RASGRF2: variants seen among roughly 807,000 people sequenced by gnomAD.
RASGRF2 encodes Ras protein specific guanine nucleotide releasing factor 2.
Under a neutral mutation model 151.0 loss-of-function variants are expected in RASGRF2, and 76 were observed. That is an observed-to-expected ratio of 0.50 (90% CI 0.42 to 0.61). RASGRF2 has a LOEUF of 0.61. Ranked by LOEUF, RASGRF2 falls within the 20% of genes least tolerant of loss-of-function variation. The pLI, the probability that RASGRF2 is intolerant of heterozygous loss-of-function variation, is 0.00. For missense variants in RASGRF2, 1,148 were observed against 1,564.6 expected, an observed-to-expected ratio of 0.73 and a Z score of 4.49; for synonymous variants, 504 against 566.5, an observed-to-expected ratio of 0.89 and a Z score of 1.57.
chr5:81,121,258 T>C (rs1580336005), intron 15 of RASGRF2, among the ~76,000 whole-genome samples: 1 of 152,204 alleles, frequency 6.6e-6, no homozygotes, highest in South Asian at 2.1e-4. Flanking sequence ...CTTAAAACAG[T>C]TGGCAAACTT....
At chr5:81,123,529 C>A in intron 15 of RASGRF2, 113 bp from the exon 16 acceptor site, 1 of 1,239,270 alleles carries the variant, frequency 8.1e-7, no homozygotes, top group Admixed American at 2.3e-5. Context: ...ATATTAAAGC[C>A]CTTTAATGAA....
chr5:81,040,702 C>G (rs116700616), intron 1 of RASGRF2, among the ~76,000 whole-genome samples: 1 of 152,206 alleles, frequency 6.6e-6, no homozygotes, highest in Admixed American at 6.5e-5. Flanking sequence ...GGCTTTGCCT[C>G]TCATTTTTGT....
chr5:81,134,392 C>T (rs899433281), intron 17 of RASGRF2, among the ~76,000 whole-genome samples: 4 of 151,888 alleles, frequency 2.6e-5, no homozygotes, highest in African/African-American at 7.3e-5. Flanking sequence ...GTCCTGTGTG[C>T]ATCACCTTGG....
intron 19 of RASGRF2, among the ~76,000 whole-genome samples, chr5:81,203,020 CAGTT>C (rs1325447020): frequency 2.6e-5 from 4 of 152,198 alleles, no homozygotes; most frequent in African/African-American, 9.6e-5. Flanking sequence ...CCCTAGGAAA[CAGTT>C]AGGGGCCTTC....
intron 13 of RASGRF2, among the ~76,000 whole-genome samples, chr5:81,109,967 G>A (rs1332354930): frequency 1.3e-5 from 2 of 152,116 alleles, no homozygotes; most frequent in Non-Finnish European, 2.9e-5. Flanking sequence ...GAAGTTTTAT[G>A]TATATACTAC....
At chr5:81,029,371 G>A (rs964110804) in intron 1 of RASGRF2, among the ~76,000 whole-genome samples, 1 of 152,236 alleles carries the variant, frequency 6.6e-6, no homozygotes, top group Non-Finnish European at 1.5e-5. Flanking sequence ...CCTGACCCCC[G>A]AGTAGCCCAA....
chr5:81,179,912 G>A (rs1171114573), intron 17 of RASGRF2, among the ~76,000 whole-genome samples: 1 of 152,180 alleles, frequency 6.6e-6, no homozygotes, highest in Admixed American at 6.5e-5. Context: ...GGTGTCAGGA[G>A]AGCAGCTTTA....
chr5:81,003,261 C>G (rs748145410), intron 1 of RASGRF2, among the ~76,000 whole-genome samples: 10 of 134,608 alleles, frequency 7.4e-5, no homozygotes, highest in Admixed American at 1.7e-4. Flanking sequence ...CTCACTCTGT[C>G]GCCCAGGCTG....
intron 1 of RASGRF2, among the ~76,000 whole-genome samples, chr5:81,033,901 T>G (rs959859598): frequency 6.6e-6 from 1 of 152,234 alleles, no homozygotes; most frequent in Admixed American, 6.5e-5. Context: ...TCTACCCATC[T>G]GACAAATGGC....
intron 25 of RASGRF2, among the ~76,000 whole-genome samples, chr5:81,219,392 G>C (rs1476053933): frequency 6.6e-6 from 1 of 152,148 alleles, no homozygotes; most frequent in Non-Finnish European, 1.5e-5. Flanking sequence ...GGACAGCCAG[G>C]TTCTAAGCAC....
chr5:80,961,000 G>C lies in RASGRF2; in HGVS notation c.262G>C (p.Gly88Arg), dbSNP rs1747531953. Residue 88 changes from glycine (G) to arginine (R), a missense_variant, in exon 1 of 27, where the codon GGC becomes CGC. By Grantham distance (125) the Gly-to-Arg change is moderately radical (BLOSUM62 -2). Transcript: ENST00000265080. This position sits in a 1 kb window ranked among gnomAD's most constrained non-coding sequence, Gnocchi z 5.5. ...APPRAGAGQGGVRDALDKQYY... is the reference protein window; with the variant it reads ...APPRAGAGQGRVRDALDKQYY... Reference sequence around the variant, plus strand: ...ACCCAGGGCCGGCGCCGGGCAGGGAGGCGTCCGAGACGCGCTGGACAAGCA... The same window carrying C: ...ACCCAGGGCCGGCGCCGGGCAGGGACGCGTCCGAGACGCGCTGGACAAGCA... 1 of 1,526,792 alleles carries C rather than the reference G, an allele frequency of 6.5e-7. No individual in the cohort carries two copies. The highest frequency in any genetic ancestry group is 1.4e-5 in the African/African-American group (1 of 72,458). The allele number at this position is 1,526,792 out of a possible 1,614,324, so 94.6% of individuals were successfully genotyped here.
intron 17 of RASGRF2, among the ~76,000 whole-genome samples, chr5:81,169,621 C>G (rs1175441592): frequency 6.6e-6 from 1 of 152,234 alleles, no homozygotes; most frequent in Non-Finnish European, 1.5e-5. Context: ...TTGGTCACAT[C>G]TGCAAAGACC....
Position 81,215,946 on chromosome 5 carries a change from C to A in RASGRF2, c.3425C>A (p.Thr1142Asn). The stretch of plus-strand genomic sequence containing the variant: ...GGAAGATTTAAAAATCTTAGAGAAA[C>A]CCTTAAAAAGTATGTCTATCTTAAT... ...SEGRFKNLRE[T>N]LKNCNPPAVP... Residue 1142 changes from threonine to asparagine, a missense_variant, in exon 24 of 27, where the codon ACC becomes AAC. Physicochemically the swap from Thr to Asn is moderately conservative, Grantham distance 65. This residue lies in a region of RASGRF2 where 100 missense variants were observed against 148.2 expected (regional missense o/e 0.67). Transcript: ENST00000265080. 1 of 1,534,592 alleles carries A rather than the reference C, an allele frequency of 6.5e-7. No individual in the cohort carries two copies. The highest frequency in any genetic ancestry group is 1.4e-5 in the African/African-American group (1 of 70,590).
chr5:81,073,158 T>C (rs370435532), intron 4 of RASGRF2, 41 bp from the exon 5 acceptor site: 65 of 1,580,310 alleles, frequency 4.1e-5, no homozygotes, highest in Admixed American at 1.8e-5. Context: ...TAAATCACCA[T>C]TGTAACTAGT....
intron 1 of RASGRF2, among the ~76,000 whole-genome samples, chr5:81,034,547 C>A (rs1435827252): frequency 5.3e-5 from 8 of 151,862 alleles, no homozygotes; most frequent in African/African-American, 1.9e-4. Flanking sequence ...TTGGAACCAA[C>A]CCAAATGTCC....
intron 2 of RASGRF2, among the ~76,000 whole-genome samples, chr5:81,056,032 G>A (rs1246959324): frequency 2.0e-5 from 3 of 151,794 alleles, no homozygotes; most frequent in African/African-American, 7.3e-5. Flanking sequence ...TTCTTTATTA[G>A]TCTTGCTAGT....
At chr5:81,049,073 C>G (rs1488753338) in intron 2 of RASGRF2, among the ~76,000 whole-genome samples, 2 of 150,088 alleles carry the variant, frequency 1.3e-5, no homozygotes, top group Admixed American at 1.3e-4. Flanking sequence ...ATTTCCAAAG[C>G]TTTTCTTTCC....
intron 12 of RASGRF2, among the ~76,000 whole-genome samples, chr5:81,106,087 C>G (rs1752837216): frequency 6.6e-6 from 1 of 152,208 alleles, no homozygotes; most frequent in African/African-American, 2.4e-5. Flanking sequence ...AAAACATAGA[C>G]TGTCTAACTT....
intron 5 of RASGRF2, among the ~76,000 whole-genome samples, chr5:81,079,692 T>G (rs1203777766): frequency 6.6e-6 from 1 of 152,138 alleles, no homozygotes; most frequent in Non-Finnish European, 1.5e-5. Flanking sequence ...CTCTCAAAAT[T>G]TTTGCTCTAG....
Sources: allele counts gnomAD v4.1 joint callset (sites outside exome capture counted in the v4.1 genomes callset), GRCh38; gene constraint gnomAD v4.1.1; regional missense constraint gnomAD v4.1.1; non-coding constraint Gnocchi (gnomAD v3.1); transcripts MANE v1.5; gene names NCBI Gene and HGNC (gene_info 2026-07-23, HGNC 2026-07-21).